Variants in ASTN2 observed in about 807,000 individuals in gnomAD.
The protein encoded by ASTN2 is astrotactin 2.
A neutral mutation model predicts 139.8 loss-of-function variants in ASTN2; 54 were observed. The observed-to-expected ratio is 0.39, with a 90% CI of 0.31 to 0.48. The LOEUF is 0.48. Ranked by LOEUF, ASTN2 falls within the 20% of genes least tolerant of loss-of-function variation. The pLI, the probability that ASTN2 is intolerant of heterozygous loss-of-function variation, is 0.95. For missense variants in ASTN2, 1,565 were observed against 1,725.1 expected (o/e 0.91, Z 1.64); for synonymous variants, 756 against 719.5 (o/e 1.05, Z -0.81).
chr9:116,960,464 C>T (rs962376447), intron 10 of ASTN2, among the ~76,000 whole-genome samples: 1 of 82,848 alleles, frequency 1.2e-5, no homozygotes, highest in African/African-American at 4.4e-5. Flanking sequence ...ATCATACCTT[C>T]TAGGCCTGAT....
chr9:116,815,722 C>G (rs1324605075), intron 12 of ASTN2, among the ~76,000 whole-genome samples: 2 of 139,110 alleles, frequency 1.4e-5, no homozygotes, highest in East Asian at 2.5e-4. Context: ...GGAGAATGGC[C>G]TGAACCTGGG....
chr9:117,192,313 G>T (rs147714483), intron 3 of ASTN2, among the ~76,000 whole-genome samples: 1 of 151,446 alleles, frequency 6.6e-6, no homozygotes, highest in African/African-American at 2.4e-5. Flanking sequence ...ACTCCACCAT[G>T]TGGTACAATT....
intron 16 of ASTN2, among the ~76,000 whole-genome samples, chr9:116,662,020 A>G (rs1345167973): frequency 1.3e-5 from 2 of 150,976 alleles, no homozygotes; most frequent in African/African-American, 4.9e-5. Flanking sequence ...AAAAAAAAAG[A>G]AAAAAATATA....
chr9:116,904,720 T>C (rs906474600), intron 10 of ASTN2, among the ~76,000 whole-genome samples: 16 of 152,220 alleles, frequency 1.1e-4, no homozygotes, highest in Non-Finnish European at 1.9e-4. Context: ...TATCTATGTC[T>C]GTTTTCTGCA....
intron 19 of ASTN2, among the ~76,000 whole-genome samples, chr9:116,517,041 A>T (rs1042530277): frequency 1.3e-5 from 2 of 152,184 alleles, no homozygotes; most frequent in African/African-American, 4.8e-5. Flanking sequence ...CCACTCTGGT[A>T]GCCAAAGACA....
At chr9:116,837,164 T>C (rs1832027254) in intron 11 of ASTN2, among the ~76,000 whole-genome samples, 1 of 152,134 alleles carries the variant, frequency 6.6e-6, no homozygotes, top group Non-Finnish European at 1.5e-5. Context: ...AAAAGGAGTC[T>C]GGGGAAGCAG....
intron 13 of ASTN2, among the ~76,000 whole-genome samples, chr9:116,740,020 A>G (rs1452762319): frequency 6.6e-6 from 1 of 152,234 alleles, no homozygotes; most frequent in African/African-American, 2.4e-5. Context: ...GAGTGCATAC[A>G]TACTCTGGCT....
intron 11 of ASTN2, among the ~76,000 whole-genome samples, chr9:116,857,758 G>T (rs1323973418): frequency 2.6e-5 from 4 of 152,188 alleles, no homozygotes; most frequent in Non-Finnish European, 5.9e-5. Flanking sequence ...TAAATGGGTA[G>T]ATTAAAGATG....
At chr9:116,598,134 T>C (rs1188370107) in intron 19 of ASTN2, among the ~76,000 whole-genome samples, 1 of 152,170 alleles carries the variant, frequency 6.6e-6, no homozygotes, top group Non-Finnish European at 1.5e-5. Flanking sequence ...GTTGGGGTCA[T>C]GTGAGCACAG....
intron 19 of ASTN2, among the ~76,000 whole-genome samples, chr9:116,603,941 T>G (rs1306781359): frequency 6.6e-6 from 1 of 152,186 alleles, no homozygotes. Context: ...AATTAATTAG[T>G]GGAACCAGAC....
At chr9:117,368,101 T>C (rs1393493781) in intron 1 of ASTN2, among the ~76,000 whole-genome samples, 1 of 152,104 alleles carries the variant, frequency 6.6e-6, no homozygotes, top group African/African-American at 2.4e-5. Flanking sequence ...GATCCGCAAG[T>C]CAGCAGACTT....
Position 117,268,377 on chromosome 9 carries a change from T to A in ASTN2, c.630+22949A>T, listed in dbSNP as rs936456571. Among the ~76,000 whole-genome samples the A allele has an allele frequency of 2.0e-5, 3 of 152,180 alleles. No individual in the cohort carries two copies. The South Asian group carries it at 6.2e-4, about 32-fold the overall frequency. On this transcript the variant is annotated intron_variant, in intron 2 of 22. Transcript: ENST00000313400. ...CCAGCATCATCTTCTGGGAAAAAGATCTTAACTAAGAGGGAGCAGTTGTAA... is the reference window on the plus strand; with the variant it reads ...CCAGCATCATCTTCTGGGAAAAAGAACTTAACTAAGAGGGAGCAGTTGTAA...
At chr9:116,892,885 A>G (rs1588389962) in intron 10 of ASTN2, among the ~76,000 whole-genome samples, 1 of 152,182 alleles carries the variant, frequency 6.6e-6, no homozygotes, top group East Asian at 1.9e-4. Flanking sequence ...CTTTTGGTAT[A>G]CACACTTCCC....
chr9:117,043,273 C>T (rs1313166830), intron 5 of ASTN2, among the ~76,000 whole-genome samples: 1 of 151,980 alleles, frequency 6.6e-6, no homozygotes, highest in African/African-American at 2.4e-5. Flanking sequence ...GAGACAGGTC[C>T]AGAGGACAAG....
chr9:116,892,188 A>C (rs1833778182), intron 10 of ASTN2, among the ~76,000 whole-genome samples: 1 of 152,220 alleles, frequency 6.6e-6, no homozygotes, highest in Non-Finnish European at 1.5e-5. Flanking sequence ...TATAATAAAT[A>C]AATTTAGAAA....
intron 10 of ASTN2, among the ~76,000 whole-genome samples, chr9:116,931,397 T>C (rs903535149): frequency 6.6e-5 from 10 of 152,088 alleles, no homozygotes; most frequent in African/African-American, 2.4e-5. Flanking sequence ...TTCCCTCTCA[T>C]GGGGGAAGAC....
At chr9:117,058,981 G>C (rs894786250) in intron 5 of ASTN2, among the ~76,000 whole-genome samples, 16 of 152,206 alleles carry the variant, frequency 1.1e-4, no homozygotes, top group Non-Finnish European at 2.1e-4. Flanking sequence ...TAATGAGTTT[G>C]ATCTTAATTA....
At chr9:116,769,868 G>A (rs913456165) in intron 13 of ASTN2, among the ~76,000 whole-genome samples, 1 of 151,556 alleles carries the variant, frequency 6.6e-6, no homozygotes, top group African/African-American at 2.4e-5. Flanking sequence ...AACATAGCAA[G>A]ACCCCATCTG....
intron 11 of ASTN2, among the ~76,000 whole-genome samples, chr9:116,830,488 G>GA (rs1831775191): frequency 1.3e-5 from 2 of 151,970 alleles, no homozygotes; most frequent in Admixed American, 6.6e-5. Context: ...AACCCAAAGA[G>GA]AAAAAATCAT....
Sources: gnomAD v4.1 joint callset for allele counts (sites outside exome capture counted in the v4.1 genomes callset) on GRCh38, gnomAD v4.1.1 for gene constraint, MANE v1.5 for transcripts, NCBI Gene and HGNC (gene_info 2026-07-23, HGNC 2026-07-21) for gene names.